Variants in FAM124A observed in about 807,000 individuals in gnomAD.
The protein encoded by FAM124A is protein FAM124A.
In FAM124A, 23 loss-of-function variants were observed where a neutral mutation model predicts 24.5. The ratio of observed to expected loss-of-function variants is 0.94; its 90% CI spans 0.68 to 1.33. FAM124A has a LOEUF of 1.33. Ranked by LOEUF, FAM124A falls within the 40% of genes most tolerant of loss-of-function variation. The pLI is 0.00. For synonymous variants in FAM124A, 287 were observed against 314.7 expected (o/e 0.91, Z 0.93); for missense variants, 623 against 722.8 (o/e 0.86, Z 1.58).
Position 51,282,318 on chromosome 13 carries a change from G to A in FAM124A, c.*1062G>A, listed in dbSNP as rs1566178170. On this transcript the variant is annotated 3_prime_UTR_variant, in exon 4 of 4. Coordinates refer to ENST00000322475, the MANE Select transcript of FAM124A (RefSeq NM_001242312.2). ...CTCCCCAAAACGGGAAACTTTACCTGAAACGCTCTCCTGAACAAACACCAG... is the reference window on the plus strand; with the variant it reads ...CTCCCCAAAACGGGAAACTTTACCTAAAACGCTCTCCTGAACAAACACCAG... The A allele has an allele frequency of 6.6e-6, 1 of 152,218 alleles. No individual in the cohort carries two copies. The highest frequency in any genetic ancestry group is 1.5e-5 in the Non-Finnish European group (1 of 68,040). 9.4% of individuals were successfully genotyped at this position (152,218 alleles called of 1,614,324 possible).
At chr13:51,228,311 C>G (rs4942975) in intron 1 of FAM124A, among the ~76,000 whole-genome samples, 14,180 of 151,938 alleles carry the variant, frequency 0.093, 756 homozygotes, top group East Asian at 0.22. Flanking sequence ...CTATGTAATC[C>G]CTATATGTAA....
intron 1 of FAM124A, among the ~76,000 whole-genome samples, chr13:51,224,873 C>G (rs1490671284): frequency 2.0e-5 from 3 of 151,898 alleles, no homozygotes; most frequent in Non-Finnish European, 2.9e-5. Context: ...TCAGCAGGTC[C>G]TTCTTTGCGC....
intron 1 of FAM124A, among the ~76,000 whole-genome samples, chr13:51,228,612 T>TA (rs1003348238): frequency 2.0e-5 from 3 of 152,022 alleles, no homozygotes; most frequent in Non-Finnish European, 4.4e-5. Flanking sequence ...TCCTCTTGCC[T>TA]AAAAAAAACT....
intron 3 of FAM124A, among the ~76,000 whole-genome samples, chr13:51,259,308 G>C (rs1359739759): frequency 2.0e-5 from 3 of 151,978 alleles, no homozygotes; most frequent in Non-Finnish European, 4.4e-5. Context: ...TGTGACTCCT[G>C]CCCAGAACCC....
rs3045985 is a variant in FAM124A, at chr13:51,283,767, CAAAAAAAAAAAAAAAAAA to C, written c.*2522_*2539del. ...TCATCAGTAACAAAAGTCAGTGAGG[CAAAAAAAAAAAAAAAAAA>C]AAAAAAAAAAGGCTAATGGCCGAGG... On this transcript the variant is annotated 3_prime_UTR_variant, in exon 4 of 4. Coordinates refer to ENST00000322475, the MANE Select transcript of FAM124A (RefSeq NM_001242312.2). The C allele has an allele frequency of 2.9e-5, 1 of 34,698 alleles. No homozygotes were observed. Among genetic ancestry groups the C allele is most frequent in the African/African-American group, 9.9e-5 (1 of 10,116 alleles). The allele number at this position is 34,698 out of a possible 1,614,324, so 2.1% of individuals were successfully genotyped here. A position where few individuals can be genotyped will look rare whatever the true frequency, so the allele number is the denominator to read the frequency against.
At chr13:51,277,517 G>A (rs1174570109) in intron 3 of FAM124A, among the ~76,000 whole-genome samples, 3 of 152,212 alleles carry the variant, frequency 2.0e-5, no homozygotes, top group Non-Finnish European at 2.9e-5. Context: ...AGAATTGGCC[G>A]GGCATGGTGG....
At chr13:51,260,935 T>G (rs1255207742) in intron 3 of FAM124A, among the ~76,000 whole-genome samples, 1 of 152,160 alleles carries the variant, frequency 6.6e-6, no homozygotes, top group Non-Finnish European at 1.5e-5. Flanking sequence ...TAGGGCAGGA[T>G]AGCCCAGCTG....
At chr13:51,242,067 A>G (rs1329359846) in intron 2 of FAM124A, among the ~76,000 whole-genome samples, 1 of 152,224 alleles carries the variant, frequency 6.6e-6, no homozygotes, top group Admixed American at 6.5e-5. Context: ...TTAGGCTAAC[A>G]TCTTCCTCTT....
chr13:51,232,113 GTTA>G (rs1307861432), intron 2 of FAM124A, among the ~76,000 whole-genome samples: 1 of 152,042 alleles, frequency 6.6e-6, no homozygotes, highest in Non-Finnish European at 1.5e-5. Flanking sequence ...CTTATAAGTG[GTTA>G]TTATATGCAG....
Position 51,283,045 on chromosome 13 carries a change from A to AT in FAM124A, c.*1799dup, listed in dbSNP as rs955933875. On this transcript the variant is annotated 3_prime_UTR_variant, in exon 4 of 4. Transcript: ENST00000322475. The stretch of plus-strand genomic sequence containing the variant: ...AATGGCTGAGTTCCAATAAAGCTTT[A>AT]TTTTTTTTTTATTTGAGACGGGGTC... The AT allele has an allele frequency of 3.5e-4, 52 of 149,054 alleles. No homozygotes were observed. Among genetic ancestry groups the AT allele is most frequent in the South Asian group, 2.1e-3 (10 of 4,670 alleles). 9.2% of individuals were successfully genotyped at this position (149,054 alleles called of 1,614,324 possible).
chr13:51,236,845 CT>C (rs1209612451), intron 2 of FAM124A, among the ~76,000 whole-genome samples: 1 of 151,760 alleles, frequency 6.6e-6, no homozygotes, highest in Non-Finnish European at 1.5e-5. Flanking sequence ...ATGTTAGAGT[CT>C]TCATTTTTTC....
Position 51,251,546 on chromosome 13 carries a change from C to A in FAM124A, c.179C>A (p.Pro60His). The A allele has an allele frequency of 6.5e-7, 1 of 1,527,888 alleles. No individual in the cohort carries two copies. Among genetic ancestry groups the A allele is most frequent in the Admixed American group, 2.1e-5 (1 of 47,618 alleles). 94.6% of individuals were successfully genotyped at this position (1,527,888 alleles called of 1,614,324 possible). A position where few individuals can be genotyped will look rare whatever the true frequency, so the allele number is the denominator to read the frequency against. The change falls in exon 3 of 4, where the codon CCC becomes CAC. Residue 60 changes from proline to histidine, a missense_variant. Pro to His is a moderately conservative substitution (Grantham distance 77). Transcript: ENST00000322475. The surrounding 1 kb of genome is among the most constrained non-coding windows in gnomAD (Gnocchi z 5.3). ...ATCGCAGACCCAGGGGAGTCCCAGC[C>A]CCTGCAGGAGGCCATCGACAACGTC... is the stretch of plus-strand genomic sequence containing the variant. Reference protein sequence around the residue: ...HIIADPGESQPLQEAIDNVLA... With the variant: ...HIIADPGESQHLQEAIDNVLA...
At chr13:51,267,482 G>C (rs1954800077) in intron 3 of FAM124A, among the ~76,000 whole-genome samples, 1 of 152,176 alleles carries the variant, frequency 6.6e-6, no homozygotes, top group South Asian at 2.1e-4. Flanking sequence ...AAAATGCCTA[G>C]AACTGCAGGG....
chr13:51,257,911 A>G (rs1407472794), intron 3 of FAM124A, among the ~76,000 whole-genome samples: 1 of 152,204 alleles, frequency 6.6e-6, no homozygotes, highest in African/African-American at 2.4e-5. Flanking sequence ...TGGTTTTAAC[A>G]TAGTACCACA....
rs189891951 is a variant in FAM124A at position 51,258,169 on chromosome 13, T to C, written c.834+5968T>C. Among the ~76,000 whole-genome samples, 313 of 152,328 alleles carry C rather than the reference T, an allele frequency of 2.1e-3. 2 individuals are homozygous for C. Among genetic ancestry groups the C allele is most frequent in the African/African-American group, 7.1e-3 (297 of 41,574 alleles). The stretch of plus-strand genomic sequence containing the variant: ...GTGTGTCATCTCCAAATTTTCCCTT[T>C]ATGTAAGGACACCAGTTCTATTGTA... On this transcript the variant is annotated intron_variant, in intron 3 of 3. Transcript: ENST00000322475. This position sits in a 1 kb window ranked among gnomAD's most constrained non-coding sequence, Gnocchi z 4.2.
intron 2 of FAM124A, chr13:51,245,313 T>C (rs372151140): frequency 1.0e-5 from 7 of 674,062 alleles, no homozygotes; most frequent in Admixed American, 4.5e-5. Context: ...ATTATGCAGA[T>C]GGATTCTCCA....
intron 2 of FAM124A, among the ~76,000 whole-genome samples, chr13:51,235,241 G>T (rs1044965718): frequency 6.6e-6 from 1 of 152,094 alleles, no homozygotes; most frequent in Non-Finnish European, 1.5e-5. Context: ...TGCTATGGAA[G>T]ATTAATTTTT....
chr13:51,239,137 C>G (rs1215685485), intron 2 of FAM124A, among the ~76,000 whole-genome samples: 2 of 152,198 alleles, frequency 1.3e-5, no homozygotes, highest in African/African-American at 4.8e-5. Flanking sequence ...TCCCCCAAGA[C>G]AGGAAACGAA....
chr13:51,243,239 G>A (rs1241360911), intron 2 of FAM124A, among the ~76,000 whole-genome samples: 1 of 152,146 alleles, frequency 6.6e-6, no homozygotes, highest in East Asian at 1.9e-4. Context: ...CTGAGATTTT[G>A]TCTTAAATAT....
Sources: allele counts gnomAD v4.1 joint callset (sites outside exome capture counted in the v4.1 genomes callset), GRCh38; gene constraint gnomAD v4.1.1; non-coding constraint Gnocchi (gnomAD v3.1); transcripts MANE v1.5; gene names NCBI Gene and HGNC (gene_info 2026-07-23, HGNC 2026-07-21).